GLIS3: variants seen among roughly 807,000 people sequenced by gnomAD.
The protein encoded by GLIS3 is GLIS family zinc finger 3.
Under a neutral mutation model 78.6 loss-of-function variants are expected in GLIS3, and 53 were observed. The observed-to-expected ratio is 0.67, with a 90% CI of 0.54 to 0.85. The LOEUF is 0.85. Ranked by LOEUF, GLIS3 falls within the 40% of genes least tolerant of loss-of-function variation. The pLI is 0.00. For missense variants in GLIS3, 1,703 were observed against 1,231.1 expected (o/e 1.38, Z -5.74); for synonymous variants, 684 against 509.9 (o/e 1.34, Z -4.60).
At chr9:4,037,643 T>G (rs1480210220) in intron 4 of GLIS3, among the ~76,000 whole-genome samples, 1 of 151,950 alleles carries the variant, frequency 6.6e-6, no homozygotes, top group African/African-American at 2.4e-5. Context: ...ATCTATGATC[T>G]AAGCACTAGG....
chr9:4,263,771 C>G (rs1825741794), intron 2 of GLIS3, among the ~76,000 whole-genome samples: 1 of 150,788 alleles, frequency 6.6e-6, no homozygotes, highest in South Asian at 2.1e-4. Flanking sequence ...TAGTTGATCA[C>G]TCCTTCCTTC....
chr9:4,254,868 A>T (rs1436625608), intron 2 of GLIS3, among the ~76,000 whole-genome samples: 2 of 152,030 alleles, frequency 1.3e-5, no homozygotes. Flanking sequence ...AAAAAAGATA[A>T]ACTGCTTTGT....
chr9:4,391,900 G>T, the GLIS3 span, among the ~76,000 whole-genome samples: 1 of 152,150 alleles, frequency 6.6e-6, no homozygotes, highest in African/African-American at 2.4e-5. Context: ...CCATTACTGG[G>T]TATATACCCA....
At chr9:4,038,014 G>A (rs1824478089) in intron 4 of GLIS3, among the ~76,000 whole-genome samples, 1 of 152,022 alleles carries the variant, frequency 6.6e-6, no homozygotes. Flanking sequence ...CTGTCTTTGT[G>A]AGTTCAGAGT....
intron 4 of GLIS3, among the ~76,000 whole-genome samples, chr9:3,984,767 C>T (rs953019916): frequency 6.6e-6 from 1 of 152,104 alleles, no homozygotes; most frequent in Admixed American, 6.5e-5. Flanking sequence ...AATGGTAACT[C>T]CCATAATTCC....
intron 2 of GLIS3, among the ~76,000 whole-genome samples, chr9:4,226,794 G>C (rs1485348948): frequency 6.6e-6 from 1 of 152,174 alleles, no homozygotes; most frequent in Non-Finnish European, 1.5e-5. Context: ...AGAGCTGTTG[G>C]TGAGGACGAA....
chr9:3,864,796 C>T (rs1454026906), intron 8 of GLIS3, among the ~76,000 whole-genome samples: 4 of 152,100 alleles, frequency 2.6e-5, no homozygotes, highest in Non-Finnish European at 5.9e-5. Flanking sequence ...TAGTGAAGGG[C>T]GTTTGGCTCT....
At chr9:4,183,805 T>G (rs927155853) in intron 2 of GLIS3, among the ~76,000 whole-genome samples, 1 of 152,248 alleles carries the variant, frequency 6.6e-6, no homozygotes, top group African/African-American at 2.4e-5. Context: ...GAATGTTTAT[T>G]TGATTCTTTC....
chr9:4,011,284 T>C (rs965370073), intron 4 of GLIS3, among the ~76,000 whole-genome samples: 3 of 152,216 alleles, frequency 2.0e-5, no homozygotes, highest in African/African-American at 7.2e-5. Context: ...AAGAGTCATC[T>C]GCCAGGCCCA....
intron 1 of GLIS3, among the ~76,000 whole-genome samples, chr9:4,295,259 A>T (rs1177555172): frequency 1.3e-5 from 2 of 151,960 alleles, no homozygotes; most frequent in South Asian, 2.1e-4. Flanking sequence ...TAGTGGAAGG[A>T]ACGCCTCTGA....
At position 3,825,904 on chromosome 9, in the gene GLIS3, A is replaced by T. The variant is rs1040718729; in HGVS notation, c.*2368T>A. On this transcript the variant is annotated 3_prime_UTR_variant, in exon 11 of 11. Transcript: ENST00000381971. Reference sequence around the variant, plus strand: ...CTCCACATTGATTTCCTGCTGAGGAAGGAGGGCTGCAGGTGCCTCTATTGC... The same window carrying T: ...CTCCACATTGATTTCCTGCTGAGGATGGAGGGCTGCAGGTGCCTCTATTGC... The T allele has an allele frequency of 1.3e-5, 2 of 152,320 alleles. No homozygotes were observed. Among genetic ancestry groups the T allele is most frequent in the African/African-American group, 4.8e-5 (2 of 41,450 alleles). 9.4% of individuals were successfully genotyped at this position (152,320 alleles called of 1,614,324 possible). A position where few individuals can be genotyped will look rare whatever the true frequency, so the allele number is the denominator to read the frequency against.
intron 2 of GLIS3, among the ~76,000 whole-genome samples, chr9:4,220,609 C>T (rs1821243895): frequency 6.6e-6 from 1 of 151,938 alleles, no homozygotes; most frequent in Non-Finnish European, 1.5e-5. Flanking sequence ...AATGCCAAGT[C>T]AAACTGGGCA....
intron 6 of GLIS3, among the ~76,000 whole-genome samples, chr9:3,930,083 C>G (rs1408542656): frequency 6.6e-6 from 1 of 152,210 alleles, no homozygotes; most frequent in Non-Finnish European, 1.5e-5. Flanking sequence ...TTTCCTTTTT[C>G]TGTTGGATGG....
In GLIS3 at chr9:4,079,352, A is replaced by G. The variant is rs1828350438; in HGVS notation, c.1710+38416T>C. Among the ~76,000 whole-genome samples, 3 of 152,346 alleles carry G rather than the reference A, an allele frequency of 2.0e-5. No individual in the cohort carries two copies. The South Asian group carries it at 6.2e-4, about 32-fold the overall frequency. On this transcript the variant is annotated intron_variant, in intron 4 of 10. Transcript: ENST00000381971. ...ATCCTAGTCAAAGGCAAACTAGGAA[A>G]AAGACTGTCTTGTACTTCCTCTGAG...
chr9:4,232,652 A>C (rs1369774457), intron 2 of GLIS3, among the ~76,000 whole-genome samples: 1 of 152,220 alleles, frequency 6.6e-6, no homozygotes, highest in Non-Finnish European at 1.5e-5. Context: ...GGCTACTACA[A>C]AACAAAAGTA....
At chr9:4,474,907 G>A in the GLIS3 span, among the ~76,000 whole-genome samples, 2,306 of 150,372 alleles carry the variant, frequency 0.015, 55 homozygotes, top group African/African-American at 0.054. Flanking sequence ...TCCCTATGTC[G>A]CCCAGGCTTG....
At chr9:4,075,848 G>A (rs1417923195) in intron 4 of GLIS3, among the ~76,000 whole-genome samples, 1 of 152,118 alleles carries the variant, frequency 6.6e-6, no homozygotes, top group Non-Finnish European at 1.5e-5. Context: ...AAAGAAGTGA[G>A]AAACAAAAGT....
intron 2 of GLIS3, among the ~76,000 whole-genome samples, chr9:4,245,530 A>G (rs1478815139): frequency 1.3e-5 from 2 of 152,248 alleles, no homozygotes; most frequent in Non-Finnish European, 2.9e-5. Context: ...AAATGCGAAG[A>G]GCTATATAAA....
intron 4 of GLIS3, among the ~76,000 whole-genome samples, chr9:4,029,914 G>C (rs1275575000): frequency 2.0e-5 from 3 of 152,206 alleles, no homozygotes; most frequent in African/African-American, 7.2e-5. Flanking sequence ...TAGGAGTGCA[G>C]ATATCTCTTC....
Sources: allele counts gnomAD v4.1 joint callset (sites outside exome capture counted in the v4.1 genomes callset), GRCh38; gene constraint gnomAD v4.1.1; transcripts MANE v1.5; gene names NCBI Gene and HGNC (gene_info 2026-07-23, HGNC 2026-07-21).